DNAH11: variants seen among roughly 807,000 people sequenced by gnomAD.
DNAH11 encodes the protein dynein axonemal heavy chain 11, also known as axonemal beta dynein heavy chain 11.
Under a neutral mutation model 526.0 loss-of-function variants are expected in DNAH11, and 442 were observed. That is an observed-to-expected ratio of 0.84 (90% CI 0.78 to 0.91). The LOEUF is 0.91. Among genes scored for constraint, DNAH11 ranks in the 40% least tolerant of loss-of-function variants. The pLI is 0.00. For missense variants in DNAH11, 6,989 were observed against 5,448.7 expected (o/e 1.28, Z -8.90); for synonymous variants, 2,461 against 1,935.9 (o/e 1.27, Z -7.12).
chr7:21,771,435 C>A (rs933183566), intron 55 of DNAH11, among the ~76,000 whole-genome samples: 2 of 152,162 alleles, frequency 1.3e-5, no homozygotes, highest in African/African-American at 4.8e-5. Flanking sequence ...GAGACTACTC[C>A]TGCCCGAGAA....
In DNAH11 at chr7:21,711,840, A is replaced by C; in HGVS notation, c.6963A>C (p.Pro2321=). The C allele has an allele frequency of 2.5e-6, 4 of 1,613,412 alleles. No homozygotes were observed. Among genetic ancestry groups the C allele is most frequent in the Non-Finnish European group, 3.4e-6 (4 of 1,179,594 alleles). ...GAGCTGGTATTCTGTATGTGAACCC[A>C]CAAGATCTGGGCTGGAATCCGTGAG... is the stretch of plus-strand genomic sequence containing the variant. ...VSRAGILYVN[P]QDLGWNPYVA... is the part of the protein sequence containing the mutation. The change falls in exon 42 of 82, where the codon CCA becomes CCC. Residue 2321 remains proline (P), a synonymous_variant. Coordinates refer to ENST00000409508, the MANE Select transcript of DNAH11 (RefSeq NM_001277115.2).
chr7:21,710,506 T>C (rs1369024124), intron 40 of DNAH11, 47 bp from the exon 41 acceptor site: 2 of 1,494,576 alleles, frequency 1.3e-6, no homozygotes, highest in Non-Finnish European at 1.8e-6. Flanking sequence ...ATGAATAATA[T>C]CAATCTATCG....
At chr7:21,749,549 T>G in intron 52 of DNAH11, 129 bp from the exon 53 acceptor site, 1 of 1,220,512 alleles carries the variant, frequency 8.2e-7, no homozygotes, top group East Asian at 2.5e-5. Flanking sequence ...AAGGAATATG[T>G]AAACCAGGGA....
intron 9 of DNAH11, 142 bp from the exon 10 acceptor site, chr7:21,587,922 C>A (rs983533025): frequency 2.8e-6 from 2 of 706,802 alleles, no homozygotes; most frequent in Admixed American, 3.6e-5. Context: ...TGGAAAAATA[C>A]ATTTTACATT....
chr7:21,652,430 TG>T (rs1170312911), intron 28 of DNAH11, among the ~76,000 whole-genome samples: 3 of 152,246 alleles, frequency 2.0e-5, no homozygotes, highest in Non-Finnish European at 4.4e-5. Flanking sequence ...ATGCTCGTTC[TG>T]TACCTTAAGT....
chr7:21,638,992 C>A lies in DNAH11; in HGVS notation c.4871C>A (p.Ala1624Asp). 1.9e-6 allele frequency: 3 copies of A among 1,613,682 alleles called. No homozygotes were observed. Among genetic ancestry groups the A allele is most frequent in the South Asian group, 2.2e-5 (2 of 91,022 alleles). Residue 1624 changes from alanine to aspartate, a missense_variant, in exon 28 of 82, where the codon GCC becomes GAC. Physicochemically the swap from Ala to Asp is moderately radical, Grantham distance 126 (BLOSUM62 -2). Transcript: ENST00000409508. ...GAATACCTGGAAACCAAGCGCATAG[C>A]CTTTCCTCGCTTCTATTTCGTCTCT... ...LAEYLETKRI[A>D]FPRFYFVSSA...
intron 28 of DNAH11, among the ~76,000 whole-genome samples, chr7:21,651,614 T>G (rs1363341671): frequency 6.6e-6 from 1 of 152,220 alleles, no homozygotes; most frequent in African/African-American, 2.4e-5. Context: ...AGCTAGTGAT[T>G]AGGTATTTTC....
In DNAH11 at chr7:21,854,325, C is replaced by A; in HGVS notation, c.11072C>A (p.Ala3691Asp). The change falls in exon 68 of 82, where the codon GCC becomes GAC. Residue 3691 changes from alanine (A) to aspartate (D), a missense_variant. Physicochemically the swap from Ala to Asp is moderately radical, Grantham distance 126. Transcript: ENST00000409508. ...TTGATCCCACCATAGGTGATTGAAG[C>A]CAAAGAAAATGAAAGAAAAATCAAC... ...VAEIEHKVIE[A>D]KENERKINEA... 3 of 1,613,338 alleles carry A rather than the reference C, an allele frequency of 1.9e-6. No homozygotes were observed. The highest frequency in any genetic ancestry group is 2.2e-5 in the South Asian group (2 of 91,000).
chr7:21,749,703 G>T lies in DNAH11; in HGVS notation c.8699G>T (p.Arg2900Leu). The T allele has an allele frequency of 6.2e-7, 1 of 1,613,788 alleles. No homozygotes were observed. The highest frequency in any genetic ancestry group is 2.2e-5 in the East Asian group (1 of 44,814). ...GTAGATCTTGCCAATTTGTACATCC[G>T]AACTGGAGCCAAGAACATGCCCACT... is the stretch of plus-strand genomic sequence containing the variant. ...LRVDLANLYI[R>L]TGAKNMPTVF... The change falls in exon 53 of 82, where the codon CGA (arginine) becomes CTA (leucine). Residue 2900 changes from arginine to leucine, a missense_variant. Arg to Leu is a moderately radical substitution (Grantham distance 102). Coordinates refer to ENST00000409508, the MANE Select transcript of DNAH11 (RefSeq NM_001277115.2).
At chr7:21,864,460 A>G (rs1348816540) in intron 69 of DNAH11, 75 bp from the exon 70 acceptor site, 2 of 1,493,062 alleles carry the variant, frequency 1.3e-6, no homozygotes, top group Non-Finnish European at 1.8e-6. Context: ...CATGTCTGTT[A>G]AATGTGTGAC....
chr7:21,773,645 G>C (rs1312087974), intron 55 of DNAH11, 121 bp from the exon 56 acceptor site: 1 of 751,800 alleles, frequency 1.3e-6, no homozygotes, highest in East Asian at 2.8e-5. Context: ...AGTTTTCGTA[G>C]GTTATACTAT....
Position 21,687,160 on chromosome 7 carries a change from G to C in DNAH11, c.5683G>C (p.Ala1895Pro), listed in dbSNP as rs759008375. The change falls in exon 33 of 82, where the codon GCT becomes CCT. Residue 1895 changes from alanine to proline, a missense_variant. Transcript: ENST00000409508. ...LTMSGAPAGP[A>P]GTGKTETTKD... ...CATGAGTGGGGCTCCTGCTGGCCCA[G>C]CTGGTACCGGGAAAACAGAGACCAC... is the stretch of plus-strand genomic sequence containing the variant. 1.9e-6 allele frequency: 3 copies of C among 1,613,280 alleles called. No homozygotes were observed. The highest frequency in any genetic ancestry group is 2.5e-6 in the Non-Finnish European group (3 of 1,179,582).
At chr7:21,543,716 T>A (rs1205810938) in intron 1 of DNAH11, 120 bp downstream of exon 1, 13 of 1,088,088 alleles carry the variant, frequency 1.2e-5, no homozygotes, top group Non-Finnish European at 1.7e-5. Context: ...CAAACTTGGC[T>A]TGAAGTCCCC....
chr7:21,872,812 A>T (rs1783553421), intron 73 of DNAH11, among the ~76,000 whole-genome samples: 1 of 152,230 alleles, frequency 6.6e-6, no homozygotes, highest in Non-Finnish European at 1.5e-5. Context: ...TATGCTTATG[A>T]GTAGGAGTTT....
chr7:21,707,047 C>T (rs1784293079), intron 39 of DNAH11, among the ~76,000 whole-genome samples: 1 of 152,170 alleles, frequency 6.6e-6, no homozygotes, highest in South Asian at 2.1e-4. Flanking sequence ...GGCTATCCTG[C>T]TCATTGAAAG....
At chr7:21,646,762 A>C (rs1787370619) in intron 28 of DNAH11, among the ~76,000 whole-genome samples, 1 of 152,208 alleles carries the variant, frequency 6.6e-6, no homozygotes, top group Non-Finnish European at 1.5e-5. Flanking sequence ...AAATAGCCCT[A>C]GATTAGACAC....
intron 71 of DNAH11, among the ~76,000 whole-genome samples, chr7:21,867,578 A>T (rs1783328668): frequency 6.6e-6 from 1 of 152,220 alleles, no homozygotes; most frequent in Admixed American, 6.5e-5. Flanking sequence ...GGGGGATACA[A>T]AGCCATAGCA....
Position 21,718,041 on chromosome 7 carries a change from A to G in DNAH11, c.7134+116A>G, listed in dbSNP as rs543337201. 4.2e-6 allele frequency: 6 copies of G among 1,417,626 alleles called. No homozygotes were observed. The African/African-American group carries it at 7.2e-5, about 17-fold the overall frequency. The allele number at this position is 1,417,626 out of a possible 1,614,324, so 87.8% of individuals were successfully genotyped here. A position where few individuals can be genotyped will look rare whatever the true frequency, so the allele number is the denominator to read the frequency against. ...AAGTGAGAAGATTTCTGGAATTGTTAGATTGCTGCAACCCTCTTGCCCCCG... is the reference window on the plus strand; with the variant it reads ...AAGTGAGAAGATTTCTGGAATTGTTGGATTGCTGCAACCCTCTTGCCCCCG... On this transcript the variant is annotated intron_variant, in intron 43 of 81. Coordinates refer to ENST00000409508, the MANE Select transcript of DNAH11 (RefSeq NM_001277115.2).
At chr7:21,643,115 T>C (rs1239802354) in intron 28 of DNAH11, among the ~76,000 whole-genome samples, 1 of 152,206 alleles carries the variant, frequency 6.6e-6, no homozygotes, top group East Asian at 1.9e-4. Flanking sequence ...ATTGACATGG[T>C]GCAATAGCTA....
Sources: allele counts gnomAD v4.1 joint callset (sites outside exome capture counted in the v4.1 genomes callset), GRCh38; gene constraint gnomAD v4.1.1; transcripts MANE v1.5; gene names NCBI Gene and HGNC (gene_info 2026-07-23, HGNC 2026-07-21).